Variants in NRG1 observed in about 807,000 individuals in gnomAD.
NRG1 encodes neuregulin 1, also known as pro-neuregulin-1, membrane-bound isoform.
NRG1 carries 18 observed loss-of-function variants against 63.8 expected under a neutral mutation model. The observed-to-expected ratio is 0.28, with a 90% CI of 0.19 to 0.42. The LOEUF (loss-of-function observed/expected upper bound fraction) is 0.42, where lower values mean the gene tolerates loss of function less well. Among genes scored for constraint, NRG1 ranks in the 10% least tolerant of loss-of-function variants. The probability of loss-of-function intolerance (pLI) is 1.00; values close to 1 mark genes in which losing one functional copy is unlikely to be tolerated. For missense variants in NRG1, 762 were observed against 814.7 expected (o/e 0.94, Z 0.79); for synonymous variants, 302 against 301.3 (o/e 1.00, Z -0.02).
intron 3 of NRG1, among the ~76,000 whole-genome samples, chr8:32,609,411 A>G (rs1378706814): frequency 1.3e-5 from 2 of 152,086 alleles, no homozygotes; most frequent in African/African-American, 2.4e-5. Flanking sequence ...CGTTGCACAG[A>G]AACACTTTTT....
intron 1 of NRG1, among the ~76,000 whole-genome samples, chr8:32,568,545 T>G (rs1837900923): frequency 6.6e-6 from 1 of 152,206 alleles, no homozygotes; most frequent in Non-Finnish European, 1.5e-5. Context: ...GAGATTCTTC[T>G]GCTGGGTGAA....
At chr8:32,709,633 C>T (rs1004795126) in intron 5 of NRG1, among the ~76,000 whole-genome samples, 1 of 151,994 alleles carries the variant, frequency 6.6e-6, no homozygotes. Flanking sequence ...GTTGCCCAGG[C>T]TGGTCTCGAA....
chr8:31,762,096 T>C (rs1049566999), intron 1 of NRG1, among the ~76,000 whole-genome samples: 2 of 152,206 alleles, frequency 1.3e-5, no homozygotes, highest in Non-Finnish European at 2.9e-5. Context: ...TTTTAAAAAT[T>C]TCTTCTAAAA....
intron 1 of NRG1, among the ~76,000 whole-genome samples, chr8:31,710,922 G>A (rs1811677513): frequency 6.6e-6 from 1 of 151,982 alleles, no homozygotes; most frequent in Non-Finnish European, 1.5e-5. Flanking sequence ...TGTTGTCTGT[G>A]TACTTCCCTT....
chr8:31,659,351 A>G (rs1805740512), intron 1 of NRG1, among the ~76,000 whole-genome samples: 1 of 152,218 alleles, frequency 6.6e-6, no homozygotes, highest in Admixed American at 6.5e-5. Flanking sequence ...ACTTTGGGAC[A>G]TGGCACCAAG....
intron 1 of NRG1, among the ~76,000 whole-genome samples, chr8:31,652,720 C>T (rs962013944): frequency 4.6e-5 from 7 of 152,144 alleles, no homozygotes; most frequent in Admixed American, 3.3e-4. Context: ...AGCCCTATAA[C>T]GGATTGTGCT....
intron 1 of NRG1, among the ~76,000 whole-genome samples, chr8:32,248,702 T>G (rs2129470161): frequency 6.6e-6 from 1 of 152,150 alleles, no homozygotes; most frequent in Admixed American, 6.6e-5. Context: ...AACACAAATT[T>G]TTATTTTCTA....
chr8:32,238,848 CT>C (rs1847831548), intron 1 of NRG1, among the ~76,000 whole-genome samples: 1 of 152,140 alleles, frequency 6.6e-6, no homozygotes, highest in Non-Finnish European at 1.5e-5. Context: ...AATCACTGAA[CT>C]TGGCAGCCAA....
intron 1 of NRG1, among the ~76,000 whole-genome samples, chr8:31,833,634 A>G (rs1177517184): frequency 1.3e-5 from 2 of 152,188 alleles, no homozygotes; most frequent in Non-Finnish European, 2.9e-5. Flanking sequence ...TAAAGTTACC[A>G]TGTAATAATT....
At chr8:32,620,678 G>A (rs1207854500) in intron 5 of NRG1, among the ~76,000 whole-genome samples, 1 of 151,824 alleles carries the variant, frequency 6.6e-6, no homozygotes, top group Non-Finnish European at 1.5e-5. Flanking sequence ...AAAGAAATTA[G>A]CCAGGCTTGG....
chr8:32,608,092 G>GTTTTGTTTTTTT (rs1845594606), intron 3 of NRG1, among the ~76,000 whole-genome samples: 3 of 106,198 alleles, frequency 2.8e-5, no homozygotes, highest in Admixed American at 9.5e-5. Flanking sequence ...GGTTTTTTTT[G>GTTTTGTTTTTTT]TTTTTTTTTT....
At chr8:32,427,412 T>G (rs1224442040) in intron 1 of NRG1, among the ~76,000 whole-genome samples, 2 of 152,168 alleles carry the variant, frequency 1.3e-5, no homozygotes, top group Admixed American at 1.3e-4. Context: ...TCAGAGCCTC[T>G]TCTTACCAAT....
chr8:32,317,666 G>T (rs573983920), intron 1 of NRG1, among the ~76,000 whole-genome samples: 1 of 152,238 alleles, frequency 6.6e-6, no homozygotes, highest in South Asian at 2.1e-4. Context: ...ATCACAGAAC[G>T]TACACAAAGA....
intron 1 of NRG1, among the ~76,000 whole-genome samples, chr8:31,692,253 A>G (rs1809610180): frequency 6.6e-6 from 1 of 152,208 alleles, no homozygotes; most frequent in Non-Finnish European, 1.5e-5. Context: ...TCTAAAGTCA[A>G]CTTGGTAAAA....
intron 1 of NRG1, among the ~76,000 whole-genome samples, chr8:32,461,134 TC>T (rs1278069269): frequency 6.6e-6 from 1 of 152,110 alleles, no homozygotes; most frequent in African/African-American, 2.4e-5. Flanking sequence ...CTCCTACTCT[TC>T]CAATGGGCTC....
At chr8:32,163,861 G>A (rs1301544973) in intron 1 of NRG1, among the ~76,000 whole-genome samples, 1 of 152,158 alleles carries the variant, frequency 6.6e-6, no homozygotes, top group East Asian at 1.9e-4. Context: ...GAAGTCTTTG[G>A]TTAAATTGCA....
At chr8:32,234,177 A>C (rs1847293742) in intron 1 of NRG1, among the ~76,000 whole-genome samples, 2 of 152,234 alleles carry the variant, frequency 1.3e-5, no homozygotes, top group African/African-American at 4.8e-5. Flanking sequence ...GAAGGTTGCC[A>C]AAATCTTTCT....
intron 1 of NRG1, among the ~76,000 whole-genome samples, chr8:31,691,230 A>C (rs561124113): frequency 9.9e-5 from 15 of 152,202 alleles, no homozygotes; most frequent in Non-Finnish European, 2.2e-4. Context: ...TCTATGTAGA[A>C]TAAATTAAAA....
chr8:32,288,518 T>C (rs1056754147), intron 1 of NRG1, among the ~76,000 whole-genome samples: 9 of 152,214 alleles, frequency 5.9e-5, no homozygotes, highest in South Asian at 2.1e-4. Context: ...CACATTTTCT[T>C]ATATAATCAA....
Sources: allele counts gnomAD v4.1 joint callset (sites outside exome capture counted in the v4.1 genomes callset), GRCh38; gene constraint gnomAD v4.1.1; transcripts MANE v1.5; gene names NCBI Gene and HGNC (gene_info 2026-07-23, HGNC 2026-07-21).